The following CRPPA variants were observed in gnomAD, a reference collection of about 807,000 sequenced individuals.
CRPPA encodes CDP-L-ribitol pyrophosphorylase A, also known as D-ribitol-5-phosphate cytidylyltransferase.
Under a neutral mutation model 52.0 loss-of-function variants are expected in CRPPA, and 43 were observed. The ratio of observed to expected loss-of-function variants is 0.83; its 90% CI spans 0.65 to 1.07. CRPPA has a LOEUF of 1.07. Ranked by LOEUF, CRPPA falls within the 50% of genes least tolerant of loss-of-function variation. CRPPA has a pLI of 0.00. For synonymous variants in CRPPA, 250 were observed against 203.5 expected (o/e 1.23, Z -1.94); for missense variants, 629 against 551.7 (o/e 1.14, Z -1.40).
At chr7:16,242,878 A>G (rs1383234212) in intron 8 of CRPPA, among the ~76,000 whole-genome samples, 2 of 152,210 alleles carry the variant, frequency 1.3e-5, no homozygotes, top group Non-Finnish European at 2.9e-5. Flanking sequence ...ATAGAATCAT[A>G]ATGTCATACT....
intron 3 of CRPPA, among the ~76,000 whole-genome samples, chr7:16,342,054 C>T (rs1321294541): frequency 6.6e-6 from 1 of 152,126 alleles, no homozygotes; most frequent in African/African-American, 2.4e-5. Flanking sequence ...TTCTGTACCT[C>T]CTCCACATAC....
At chr7:16,318,631 GGT>G in intron 3 of CRPPA, among the ~76,000 whole-genome samples, 1 of 152,210 alleles carries the variant, frequency 6.6e-6, no homozygotes, top group South Asian at 2.1e-4. Context: ...CTGCTCCTTG[GGT>G]TTACTCTGCA....
At chr7:16,151,346 T>C (rs1220933684) in intron 9 of CRPPA, among the ~76,000 whole-genome samples, 1 of 152,186 alleles carries the variant, frequency 6.6e-6, no homozygotes, top group Non-Finnish European at 1.5e-5. Flanking sequence ...GAAAAAGTAC[T>C]TATTCAAAAT....
chr7:16,276,291 C>G (rs570166779), intron 6 of CRPPA, among the ~76,000 whole-genome samples: 3 of 151,932 alleles, frequency 2.0e-5, no homozygotes, highest in Admixed American at 2.0e-4. Context: ...TAAAAAGATT[C>G]GAAACTACAC....
At chr7:16,252,878 T>C (rs1190140589) in intron 8 of CRPPA, among the ~76,000 whole-genome samples, 1 of 152,220 alleles carries the variant, frequency 6.6e-6, no homozygotes, top group African/African-American at 2.4e-5. Context: ...TCTAGTTTTG[T>C]AGTTTATTTG....
intron 9 of CRPPA, among the ~76,000 whole-genome samples, chr7:16,169,523 GT>G (rs1248282615): frequency 6.6e-6 from 1 of 152,198 alleles, no homozygotes; most frequent in African/African-American, 2.4e-5. Flanking sequence ...AACATATTAA[GT>G]ATTCATAGGA....
rs567155318 is a variant in CRPPA, at chr7:16,091,281, A to C, written c.*414T>G. On this transcript the variant is annotated 3_prime_UTR_variant, in exon 10 of 10. Coordinates refer to ENST00000407010, the MANE Select transcript of CRPPA (RefSeq NM_001101426.4). ...TGACAGGACAATTATAGAAGTGAGA[A>C]TAATTCTGAAGTTTATCCATTAGCT... 2.8e-4 allele frequency: 44 copies of C among 157,012 alleles called. No individual in the cohort carries two copies. The highest frequency in any genetic ancestry group is 2.4e-4 in the Non-Finnish European group (17 of 71,298). 9.7% of individuals were successfully genotyped at this position (157,012 alleles called of 1,614,324 possible). A position where few individuals can be genotyped will look rare whatever the true frequency, so the allele number is the denominator to read the frequency against.
At chr7:16,160,059 G>A (rs569685718) in intron 9 of CRPPA, among the ~76,000 whole-genome samples, 1 of 152,180 alleles carries the variant, frequency 6.6e-6, no homozygotes, top group African/African-American at 2.4e-5. Context: ...GTAGATTCTG[G>A]ATATTAGCGC....
chr7:16,294,540 T>C lies in CRPPA; in HGVS notation c.835+6881A>G, dbSNP rs1409761350. On this transcript the variant is annotated intron_variant, in intron 5 of 9. Transcript: ENST00000407010. ...AATCCTGTTGCTGCCTTCCTGCTTT[T>C]ACTAATTCAAGTTTGACACAAATGT... is the stretch of plus-strand genomic sequence containing the variant. Among the ~76,000 whole-genome samples, 4 of 151,974 alleles carry C rather than the reference T, an allele frequency of 2.6e-5. No individual in the cohort carries two copies. The East Asian group carries it at 5.8e-4, about 22-fold the overall frequency.
At chr7:16,196,512 G>C (rs1161859161) in intron 9 of CRPPA, among the ~76,000 whole-genome samples, 2 of 152,154 alleles carry the variant, frequency 1.3e-5, no homozygotes, top group Non-Finnish European at 2.9e-5. Flanking sequence ...TCTTCGGCTA[G>C]GATGACAGAA....
At chr7:16,239,707 T>C (rs999694114) in intron 8 of CRPPA, among the ~76,000 whole-genome samples, 4 of 152,182 alleles carry the variant, frequency 2.6e-5, no homozygotes, top group Non-Finnish European at 5.9e-5. Flanking sequence ...TCATTTATTT[T>C]GCCTCCTGTG....
intron 9 of CRPPA, among the ~76,000 whole-genome samples, chr7:16,115,670 A>G (rs1380935440): frequency 6.6e-6 from 1 of 152,162 alleles, no homozygotes; most frequent in African/African-American, 2.4e-5. Flanking sequence ...GAAGAATAAG[A>G]TGAGTCTGAA....
intron 6 of CRPPA, 64 bp from the exon 7 acceptor site, chr7:16,259,076 C>T (rs1035491513): frequency 1.8e-6 from 2 of 1,122,900 alleles, no homozygotes; most frequent in African/African-American, 3.1e-5. Context: ...ATCTTTGTTA[C>T]AAAGGAACAC....
At chr7:16,376,047 G>GA in intron 3 of CRPPA, 45 bp downstream of exon 3, 1 of 1,532,708 alleles carries the variant, frequency 6.5e-7, no homozygotes, top group Non-Finnish European at 8.8e-7. Context: ...GTTGTTTGGG[G>GA]AACCTGACAT....
chr7:16,366,358 C>T (rs1015570759), intron 3 of CRPPA, among the ~76,000 whole-genome samples: 1 of 152,142 alleles, frequency 6.6e-6, no homozygotes, highest in Non-Finnish European at 1.5e-5. Context: ...TGCATCCTCA[C>T]TAGCAATGTA....
At chr7:16,110,259 A>AC (rs1782233957) in intron 9 of CRPPA, among the ~76,000 whole-genome samples, 1 of 152,102 alleles carries the variant, frequency 6.6e-6, no homozygotes, top group Admixed American at 6.6e-5. Flanking sequence ...TAAAACACTG[A>AC]TAAAAAAATT....
chr7:16,317,795 T>C (rs1435203661), intron 3 of CRPPA, among the ~76,000 whole-genome samples: 2 of 152,204 alleles, frequency 1.3e-5, no homozygotes, highest in African/African-American at 4.8e-5. Flanking sequence ...GTGAGTTCTA[T>C]TTTCAATTGT....
Position 16,090,297 on chromosome 7 carries a change from T to G in CRPPA, c.*1398A>C, listed in dbSNP as rs1313628256. 6.6e-6 allele frequency: 1 copy of G among 152,116 alleles called. No individual in the cohort carries two copies. The highest frequency in any genetic ancestry group is 2.4e-5 in the African/African-American group (1 of 41,440). 9.4% of individuals were successfully genotyped at this position (152,116 alleles called of 1,614,324 possible). On this transcript the variant is annotated 3_prime_UTR_variant, in exon 10 of 10. Transcript: ENST00000407010. ...CTAGAGGGAAAATCACCCAACATGTTAAATAAAAATTCCACAAGGTAGATA... is the reference window on the plus strand; with the variant it reads ...CTAGAGGGAAAATCACCCAACATGTGAAATAAAAATTCCACAAGGTAGATA...
chr7:16,335,188 A>T lies in CRPPA; in HGVS notation c.685-26561T>A, dbSNP rs550532373. Among the ~76,000 whole-genome samples, 190 of 150,358 alleles carry T rather than the reference A, an allele frequency of 1.3e-3. 2 individuals carry two copies. The highest frequency in any genetic ancestry group is 0.012 in the South Asian group (55 of 4,754). ...AAAAAAAAAAAAAAAAGGAAAAAGAATAAAAAAAAAAGAGTCAGGTGTAGT... is the reference window on the plus strand; with the variant it reads ...AAAAAAAAAAAAAAAAGGAAAAAGATTAAAAAAAAAAGAGTCAGGTGTAGT... On this transcript the variant is annotated intron_variant, in intron 3 of 9. Coordinates refer to ENST00000407010, the MANE Select transcript of CRPPA (RefSeq NM_001101426.4).
Sources: gnomAD v4.1 joint callset for allele counts (sites outside exome capture counted in the v4.1 genomes callset) on GRCh38, gnomAD v4.1.1 for gene constraint, MANE v1.5 for transcripts, NCBI Gene and HGNC (gene_info 2026-07-23, HGNC 2026-07-21) for gene names.